Variants in RASA3 observed in about 807,000 individuals in gnomAD.
The protein encoded by RASA3 is ras GTPase-activating protein 3.
Under a neutral mutation model 110.0 loss-of-function variants are expected in RASA3, and 73 were observed. That is an observed-to-expected ratio of 0.66 (90% CI 0.55 to 0.81). RASA3 has a LOEUF of 0.81. RASA3 is among the 30% of genes least tolerant of loss of function. The pLI is 0.00. For missense variants in RASA3, 976 were observed against 1,113.2 expected (o/e 0.88, Z 1.75); for synonymous variants, 500 against 451.4 (o/e 1.11, Z -1.37).
chr13:114,028,170 T>C (rs2054063874), intron 5 of RASA3, among the ~76,000 whole-genome samples: 1 of 148,694 alleles, frequency 6.7e-6, no homozygotes, highest in Admixed American at 6.7e-5. Flanking sequence ...ACGCCAGCAG[T>C]GTGTGACAGC....
At chr13:114,001,034 G>C (rs1276981934) in intron 18 of RASA3, 102 bp from the exon 19 acceptor site, 4 of 758,386 alleles carry the variant, frequency 5.3e-6, no homozygotes, top group African/African-American at 1.7e-5. Context: ...ACCTGAGGCA[G>C]GCAGTGGATT....
chr13:114,034,043 G>A (rs1397841665), intron 4 of RASA3, among the ~76,000 whole-genome samples: 10 of 152,196 alleles, frequency 6.6e-5, no homozygotes, highest in South Asian at 2.1e-4. Flanking sequence ...CCTGCTATCC[G>A]TGGCTATCCA....
rs2052829242 is a variant in RASA3 at position 113,978,471 on chromosome 13, T to C, written c.*876A>G. 6.6e-6 allele frequency: 1 copy of C among 152,178 alleles called. No homozygotes were observed. Among genetic ancestry groups the C allele is most frequent in the African/African-American group, 2.4e-5 (1 of 41,448 alleles). The allele number at this position is 152,178 out of a possible 1,614,324, so 9.4% of individuals were successfully genotyped here. A position where few individuals can be genotyped will look rare whatever the true frequency, so the allele number is the denominator to read the frequency against. ...GTATCAAAGAGCTAATTAAAAATGG[T>C]CCTTCAAAAACATAAAGAAAAACAG... is the stretch of plus-strand genomic sequence containing the variant. On this transcript the variant is annotated 3_prime_UTR_variant, in exon 24 of 24. Transcript: ENST00000334062.
At chr13:114,067,967 G>A (rs1391355513) in intron 2 of RASA3, among the ~76,000 whole-genome samples, 2 of 152,206 alleles carry the variant, frequency 1.3e-5, no homozygotes, top group African/African-American at 4.8e-5. Context: ...TGACGTTTTT[G>A]TCTGCGTATC....
intron 4 of RASA3, among the ~76,000 whole-genome samples, chr13:114,037,467 G>C (rs544241109): frequency 2.6e-5 from 4 of 152,160 alleles, no homozygotes; most frequent in Non-Finnish European, 5.9e-5. Context: ...GTCAGAGACA[G>C]AGTGCCATGG....
At position 114,077,782 on chromosome 13, in the gene RASA3, G is replaced by A. The variant is rs181589712; in HGVS notation, c.56-3945C>T. The A allele has an allele frequency of 3.2e-4, 311 of 965,228 alleles. No homozygotes were observed. In the African/African-American group the frequency reaches 4.9e-3, roughly 15 times the overall value. The allele number at this position is 965,228 out of a possible 1,614,324, so 59.8% of individuals were successfully genotyped here. On this transcript the variant is annotated intron_variant, in intron 1 of 23. Coordinates refer to ENST00000334062, the MANE Select transcript of RASA3 (RefSeq NM_007368.4). ...AAACACACCAGGTTCCTCCCTCCCC[G>A]CCCGATGGCCCCGTCTTTACCTCCT...
intron 1 of RASA3, among the ~76,000 whole-genome samples, chr13:114,103,919 C>T: frequency 9.5e-6 from 1 of 105,502 alleles, no homozygotes. Context: ...GGACACCCAC[C>T]CCCGATGCGT....
At chr13:113,996,842 G>C (rs1028190545) in intron 20 of RASA3, 103 bp from the exon 21 acceptor site, 1 of 1,068,732 alleles carries the variant, frequency 9.4e-7, no homozygotes, top group Non-Finnish European at 1.4e-6. Flanking sequence ...AGTCGTAAGA[G>C]GGGACGCTGA....
intron 12 of RASA3, among the ~76,000 whole-genome samples, chr13:114,016,723 G>C (rs1243916878): frequency 6.6e-6 from 1 of 152,242 alleles, no homozygotes; most frequent in Admixed American, 6.5e-5. Context: ...ATGCTGCCAT[G>C]ATTTTGCCCA....
rs1193160568 is a variant in RASA3, at chr13:114,024,235, G to T, written c.680+44C>A. 4.5e-6 allele frequency: 7 copies of T among 1,554,712 alleles called. No homozygotes were observed. In the African/African-American group the frequency reaches 9.5e-5, roughly 21 times the overall value. Reference sequence around the variant, plus strand: ...AAGAACAAAAGAGCTGAGGAGTTTGGGTGAAAACTGCCAAGTTGGGGACGC... The same window carrying T: ...AAGAACAAAAGAGCTGAGGAGTTTGTGTGAAAACTGCCAAGTTGGGGACGC... On this transcript the variant is annotated intron_variant, in intron 8 of 23. Coordinates refer to ENST00000334062, the MANE Select transcript of RASA3 (RefSeq NM_007368.4).
At chr13:114,030,003 C>T in intron 4 of RASA3, 116 bp from the exon 5 acceptor site, 5 of 918,274 alleles carry the variant, frequency 5.4e-6, no homozygotes, top group Non-Finnish European at 8.5e-6. Context: ...CCGCCCTGCC[C>T]TGGCCAATGG....
intron 1 of RASA3, among the ~76,000 whole-genome samples, chr13:114,089,629 G>A (rs769250080): frequency 6.6e-6 from 1 of 152,168 alleles, no homozygotes. Context: ...GACATCAGCC[G>A]CGCACGGCCG....
At chr13:114,075,772 T>G (rs374094699) in intron 1 of RASA3, among the ~76,000 whole-genome samples, 3,078 of 52,776 alleles carry the variant, frequency 0.058, 157 homozygotes, top group Middle Eastern at 0.066. Context: ...GGACGAAGCC[T>G]CCCGTGTCCG....
intron 18 of RASA3, among the ~76,000 whole-genome samples, chr13:114,002,322 A>G (rs982785288): frequency 1.3e-5 from 2 of 152,232 alleles, no homozygotes; most frequent in African/African-American, 2.4e-5. Context: ...GGAGCTGTTC[A>G]AGAGAGAAAA....
chr13:114,069,963 A>G (rs573991676), intron 2 of RASA3, among the ~76,000 whole-genome samples: 5 of 24,886 alleles, frequency 2.0e-4, no homozygotes, highest in Non-Finnish European at 2.9e-4. Context: ...AGACTCAGGG[A>G]GCCGGGAGAC....
chr13:114,090,795 C>T (rs1294268450), intron 1 of RASA3, among the ~76,000 whole-genome samples: 1 of 152,152 alleles, frequency 6.6e-6, no homozygotes, highest in Admixed American at 6.5e-5. Flanking sequence ...AAAAAGAACG[C>T]CAGTTCCCTT....
At chr13:114,089,615 C>A (rs1354774709) in intron 1 of RASA3, among the ~76,000 whole-genome samples, 1 of 152,172 alleles carries the variant, frequency 6.6e-6, no homozygotes, top group Admixed American at 6.5e-5. Flanking sequence ...ATCAGCCCTG[C>A]ACAGACATCA....
intron 9 of RASA3, among the ~76,000 whole-genome samples, chr13:114,020,920 T>C (rs1033762695): frequency 3.3e-5 from 5 of 152,236 alleles, no homozygotes. Flanking sequence ...CACCGGCTGC[T>C]GATGCCCTCC....
At chr13:114,042,567 A>G (rs548498722) in intron 3 of RASA3, among the ~76,000 whole-genome samples, 1 of 152,380 alleles carries the variant, frequency 6.6e-6, no homozygotes, top group South Asian at 2.1e-4. Flanking sequence ...CAGCGTCCGC[A>G]GCCACAGGGT....
Sources: gnomAD v4.1 joint callset for allele counts (sites outside exome capture counted in the v4.1 genomes callset) on GRCh38, gnomAD v4.1.1 for gene constraint, MANE v1.5 for transcripts, NCBI Gene and HGNC (gene_info 2026-07-23, HGNC 2026-07-21) for gene names.